Variants in ACTR2 observed in about 807,000 individuals in gnomAD.
ACTR2 encodes actin related protein 2, also known as actin-related protein 2.
ACTR2 carries 5 observed loss-of-function variants against 50.2 expected under a neutral mutation model. The ratio of observed to expected loss-of-function variants is 0.10; its 90% CI spans 0.05 to 0.21. The LOEUF is 0.21. Among genes scored for constraint, ACTR2 ranks in the 10% least tolerant of loss-of-function variants. The pLI is 1.00. For missense variants in ACTR2, 180 were observed against 480.6 expected (o/e 0.37, Z 5.85); for synonymous variants, 140 against 162.9 (o/e 0.86, Z 1.07).
At chr2:65,257,308 C>T (rs900806914) in intron 6 of ACTR2, among the ~76,000 whole-genome samples, 8 of 152,102 alleles carry the variant, frequency 5.3e-5, no homozygotes, top group African/African-American at 1.2e-4. Context: ...CATAGTATTC[C>T]ATGGTGTATA....
chr2:65,250,415 C>T (rs1424673375), intron 3 of ACTR2, among the ~76,000 whole-genome samples: 1 of 151,244 alleles, frequency 6.6e-6, no homozygotes, highest in Non-Finnish European at 1.5e-5. Flanking sequence ...TGGCTGACAC[C>T]TGTAATCCCA....
chr2:65,237,935 A>G (rs2103987151), intron 1 of ACTR2, among the ~76,000 whole-genome samples: 1 of 152,260 alleles, frequency 6.6e-6, no homozygotes, highest in Non-Finnish European at 1.5e-5. Flanking sequence ...CCAAGCTTGC[A>G]ATGATCTGAG....
In ACTR2 at chr2:65,270,561, A is replaced by G. The variant is rs1573175171; in HGVS notation, c.*1827A>G. The G allele has an allele frequency of 2.0e-5, 3 of 152,590 alleles. No individual in the cohort carries two copies. Among genetic ancestry groups the G allele is most frequent in the Admixed American group, 2.0e-4 (3 of 15,290 alleles). The allele number at this position is 152,590 out of a possible 1,614,324, so 9.5% of individuals were successfully genotyped here. A position where few individuals can be genotyped will look rare whatever the true frequency, so the allele number is the denominator to read the frequency against. Reference sequence around the variant, plus strand: ...TAAAGGACGCGTATGTAGGGCCCGTACCTACTGGCAGTTGGGTTCAGGGAA... The same window carrying G: ...TAAAGGACGCGTATGTAGGGCCCGTGCCTACTGGCAGTTGGGTTCAGGGAA... On this transcript the variant is annotated 3_prime_UTR_variant, in exon 9 of 9. Coordinates refer to ENST00000260641, the MANE Select transcript of ACTR2 (RefSeq NM_005722.4).
intron 6 of ACTR2, among the ~76,000 whole-genome samples, chr2:65,259,693 C>T (rs1343375103): frequency 1.3e-5 from 2 of 152,178 alleles, no homozygotes; most frequent in Non-Finnish European, 2.9e-5. Context: ...CAAGCCACTA[C>T]ACTCCAGCCT....
chr2:65,250,232 T>C (rs1172941220), intron 3 of ACTR2, among the ~76,000 whole-genome samples: 7 of 151,436 alleles, frequency 4.6e-5, no homozygotes, highest in Non-Finnish European at 8.8e-5. Context: ...GGTGTGGTGG[T>C]GTACGCCTGT....
At chr2:65,262,394 A>G (rs982903442) in intron 7 of ACTR2, among the ~76,000 whole-genome samples, 18 of 137,540 alleles carry the variant, frequency 1.3e-4, no homozygotes, top group Non-Finnish European at 2.4e-4. Flanking sequence ...CATGCCCAGA[A>G]TTTTTTTTTT....
intron 2 of ACTR2, chr2:65,242,003 T>TA: frequency 6.2e-7 from 1 of 1,604,780 alleles, no homozygotes; most frequent in Non-Finnish European, 8.5e-7. Context: ...TTCTGACTCT[T>TA]ACTTCTACCT....
chr2:65,240,960 A>C (rs183235142), intron 2 of ACTR2, among the ~76,000 whole-genome samples: 83 of 151,708 alleles, frequency 5.5e-4, no homozygotes, highest in Non-Finnish European at 1.1e-3. Context: ...GTTGAGTTAC[A>C]CAATGAATAA....
At chr2:65,244,312 C>G (rs968975014) in intron 2 of ACTR2, among the ~76,000 whole-genome samples, 1 of 151,510 alleles carries the variant, frequency 6.6e-6, no homozygotes, top group Non-Finnish European at 1.5e-5. Flanking sequence ...TTGTACAACA[C>G]ACAAAAAAGA....
chr2:65,265,073 T>G lies in ACTR2; in HGVS notation c.912T>G (p.Ser304=), dbSNP rs1305008500. Reference sequence around the variant, plus strand: ...AATTCTACAAACACATTGTGCTTTCTGGAGGGTCTACTATGTATCCTGGCC... The same window carrying G: ...AATTCTACAAACACATTGTGCTTTCGGGAGGGTCTACTATGTATCCTGGCC... ...RSEFYKHIVL[S]GGSTMYPGLP... The change falls in exon 8 of 9, where the codon TCT becomes TCG. Residue 304 remains serine, a synonymous_variant. Coordinates refer to ENST00000260641, the MANE Select transcript of ACTR2 (RefSeq NM_005722.4). 6.2e-7 allele frequency: 1 copy of G among 1,614,124 alleles called. No individual in the cohort carries two copies. The highest frequency in any genetic ancestry group is 8.5e-7 in the Non-Finnish European group (1 of 1,180,044).
chr2:65,252,981 C>T (rs1270907924), intron 4 of ACTR2, among the ~76,000 whole-genome samples: 1 of 152,230 alleles, frequency 6.6e-6, no homozygotes, highest in South Asian at 2.1e-4. Flanking sequence ...ATTATAAGTT[C>T]CAGTGAATAA....
intron 2 of ACTR2, among the ~76,000 whole-genome samples, chr2:65,240,620 A>T (rs1267123586): frequency 2.0e-5 from 3 of 152,222 alleles, no homozygotes; most frequent in Non-Finnish European, 4.4e-5. Flanking sequence ...TATTAAAGGG[A>T]TCAGAAATCA....
Position 65,252,099 on chromosome 2 carries a change from G to C in ACTR2, c.448+1000G>C, listed in dbSNP as rs138635722. On this transcript the variant is annotated intron_variant, in intron 4 of 8. Coordinates refer to ENST00000260641, the MANE Select transcript of ACTR2 (RefSeq NM_005722.4). Reference sequence around the variant, plus strand: ...TTTGGAGAAAGGCCAGTATGTGTGTGACCTGATGGAAGTGGTAGAAAATAA... The same window carrying C: ...TTTGGAGAAAGGCCAGTATGTGTGTCACCTGATGGAAGTGGTAGAAAATAA... Among the ~76,000 whole-genome samples, 444 of 152,224 alleles carry C rather than the reference G, an allele frequency of 2.9e-3. 1 individual carries two copies. The highest frequency in any genetic ancestry group is 0.01 in the African/African-American group (431 of 41,540).
At chr2:65,250,335 G>T (rs1451522984) in intron 3 of ACTR2, among the ~76,000 whole-genome samples, 1 of 151,142 alleles carries the variant, frequency 6.6e-6, no homozygotes, top group African/African-American at 2.4e-5. Context: ...CTGCACTCCA[G>T]CCTGGGCGAC....
At position 65,261,530 on chromosome 2, in the gene ACTR2, G is replaced by A. The variant is rs113448485; in HGVS notation, c.881+138G>A. On this transcript the variant is annotated intron_variant, in intron 7 of 8. Transcript: ENST00000260641. ...TTACTTGAAATAATTTCAGACTTACGGAAAGGTTGCAAGAAAAATGCAGAA... is the reference window on the plus strand; with the variant it reads ...TTACTTGAAATAATTTCAGACTTACAGAAAGGTTGCAAGAAAAATGCAGAA... The A allele has an allele frequency of 7.7e-4, 693 of 901,738 alleles. 4 individuals are homozygous for A. In the African/African-American group the frequency reaches 0.011, roughly 14 times the overall value. 55.9% of individuals were successfully genotyped at this position (901,738 alleles called of 1,614,324 possible). A position where few individuals can be genotyped will look rare whatever the true frequency, so the allele number is the denominator to read the frequency against.
Position 65,248,118 on chromosome 2 carries a change from C to T in ACTR2, c.375+1379C>T, listed in dbSNP as rs116382238. Reference sequence around the variant, plus strand: ...TTGTAGGCTCTAATTAGGAATTGGGCGGCTGGAAGTGGTGGTTCAGGCCTG... The same window carrying T: ...TTGTAGGCTCTAATTAGGAATTGGGTGGCTGGAAGTGGTGGTTCAGGCCTG... On this transcript the variant is annotated intron_variant, in intron 3 of 8. Transcript: ENST00000260641. 9.4e-3 allele frequency among the ~76,000 whole-genome samples: 1,431 copies of T among 152,070 alleles called. 15 individuals carry two copies. The highest frequency in any genetic ancestry group is 0.041 in the Middle Eastern group (12 of 294).
In ACTR2 at chr2:65,261,799, C is replaced by T. The variant is rs1215765208; in HGVS notation, c.881+407C>T. Among the ~76,000 whole-genome samples the T allele has an allele frequency of 8.5e-5, 13 of 152,118 alleles. No individual in the cohort carries two copies. In the East Asian group the frequency reaches 1.9e-3, roughly 23 times the overall value. The stretch of plus-strand genomic sequence containing the variant: ...TATGGTAGTTCTATTTTTAACTTTC[C>T]GAGGAACCTCCATACTGTTTTCTGT... On this transcript the variant is annotated intron_variant, in intron 7 of 8. Coordinates refer to ENST00000260641, the MANE Select transcript of ACTR2 (RefSeq NM_005722.4).
At chr2:65,249,307 G>C (rs961959508) in intron 3 of ACTR2, among the ~76,000 whole-genome samples, 1 of 152,218 alleles carries the variant, frequency 6.6e-6, no homozygotes. Context: ...CTCAGTTTTT[G>C]TATTAAGTGT....
intron 1 of ACTR2, among the ~76,000 whole-genome samples, chr2:65,233,934 A>T (rs191675657): frequency 6.8e-6 from 1 of 147,734 alleles, no homozygotes; most frequent in Non-Finnish European, 1.5e-5. Flanking sequence ...ACAGGGTCTC[A>T]CTCTGTTGCC....
Sources: allele counts gnomAD v4.1 joint callset (sites outside exome capture counted in the v4.1 genomes callset), GRCh38; gene constraint gnomAD v4.1.1; transcripts MANE v1.5; gene names NCBI Gene and HGNC (gene_info 2026-07-23, HGNC 2026-07-21).